SYT7: variants seen among roughly 807,000 people sequenced by gnomAD.
The protein encoded by SYT7 is synaptotagmin 7.
Under a neutral mutation model 75.1 loss-of-function variants are expected in SYT7, and 29 were observed. The ratio of observed to expected loss-of-function variants is 0.39; its 90% CI spans 0.29 to 0.53. The LOEUF is 0.53. SYT7 is among the 20% of genes least tolerant of loss of function. The pLI is 0.77. For missense variants in SYT7, 693 were observed against 953.2 expected, an observed-to-expected ratio of 0.73 and a Z score of 3.59; for synonymous variants, 376 against 401.7, an observed-to-expected ratio of 0.94 and a Z score of 0.76.
chr11:61,560,732 A>G (rs545527055), intron 1 of SYT7, among the ~76,000 whole-genome samples: 4 of 152,178 alleles, frequency 2.6e-5, no homozygotes, highest in African/African-American at 9.6e-5. Flanking sequence ...TTCCCTGCAT[A>G]TGGAGTCACT....
Position 61,580,803 on chromosome 11 carries a change from C to G in SYT7, c.18G>C (p.Glu6Asp). Residue 6 changes from glutamate to aspartate, a missense_variant, in exon 1 of 13, where the codon GAG (glutamate) becomes GAC (aspartate). By Grantham distance (45) the Glu-to-Asp change is conservative. This residue lies in a region of SYT7 where 487 missense variants were observed against 593.2 expected (regional missense o/e 0.82). Transcript: ENST00000539008. The surrounding 1 kb of genome is among the most constrained non-coding windows in gnomAD (Gnocchi z 6.1). ...GGCCGCGCTTACCTGGGCTGGCCGC[C>G]TCCGGGTCCCGGTACATGGTCCCCT... MYRDP[E>D]AASPGAPSRD... 7.8e-7 allele frequency: 1 copy of G among 1,288,444 alleles called. No homozygotes were observed. Among genetic ancestry groups the G allele is most frequent in the Non-Finnish European group, 9.9e-7 (1 of 1,015,224 alleles). The allele number at this position is 1,288,444 out of a possible 1,614,324, so 79.8% of individuals were successfully genotyped here.
At chr11:61,534,021 G>C (rs936741697) in intron 7 of SYT7, among the ~76,000 whole-genome samples, 3 of 152,146 alleles carry the variant, frequency 2.0e-5, no homozygotes, top group African/African-American at 7.2e-5. Flanking sequence ...CAATGGCTGG[G>C]TGGTGAGCCC....
chr11:61,573,665 C>G (rs1175127860), intron 1 of SYT7, among the ~76,000 whole-genome samples: 2 of 152,224 alleles, frequency 1.3e-5, no homozygotes, highest in African/African-American at 4.8e-5. Flanking sequence ...CTTCCCAAGC[C>G]TCACTTCCTG....
chr11:61,585,648 C>A (rs2064370854), upstream of SYT7, among the ~76,000 whole-genome samples: 1 of 152,168 alleles, frequency 6.6e-6, no homozygotes, highest in African/African-American at 2.4e-5. Flanking sequence ...CATCTCTATA[C>A]CCACCTCATC....
intron 1 of SYT7, among the ~76,000 whole-genome samples, chr11:61,561,604 G>C (rs1307053390): frequency 6.6e-6 from 1 of 152,200 alleles, no homozygotes; most frequent in Non-Finnish European, 1.5e-5. Flanking sequence ...CATCTGGGCA[G>C]GGCTTGGTCT....
chr11:61,556,747 C>T (rs890448028), intron 1 of SYT7, among the ~76,000 whole-genome samples: 2 of 152,230 alleles, frequency 1.3e-5, no homozygotes, highest in African/African-American at 4.8e-5. Context: ...CGTCTTGCTT[C>T]CCAAGACTCA....
intron 9 of SYT7, among the ~76,000 whole-genome samples, chr11:61,527,602 G>A (rs967937912): frequency 3.9e-5 from 6 of 152,094 alleles, no homozygotes; most frequent in South Asian, 2.1e-4. Flanking sequence ...TTCCCTCCTC[G>A]GCCTCTGGCT....
At chr11:61,588,225 C>T in the SYT7 span, among the ~76,000 whole-genome samples, 1 of 152,164 alleles carries the variant, frequency 6.6e-6, no homozygotes, top group Non-Finnish European at 1.5e-5. Context: ...CCAGCCTGAG[C>T]GCCAGAATCC....
intron 7 of SYT7, among the ~76,000 whole-genome samples, chr11:61,534,807 T>C (rs1219988202): frequency 6.6e-6 from 1 of 150,888 alleles, no homozygotes; most frequent in African/African-American, 2.4e-5. Flanking sequence ...CAGAGGGCCA[T>C]GGCACACATG....
intron 1 of SYT7, among the ~76,000 whole-genome samples, chr11:61,566,818 A>G (rs2135405591): frequency 6.6e-6 from 1 of 152,304 alleles, no homozygotes; most frequent in Non-Finnish European, 1.5e-5. Flanking sequence ...TGGGGTTGGA[A>G]CTGTATGCTA....
Position 61,524,301 on chromosome 11 carries a change from G to A in SYT7, c.1641+62C>T. ...CTTCCTAAGGTTGACAAGGGTCTGG[G>A]ACCAGATCTCCCAGCCCTGCCCTGC... On this transcript the variant is annotated intron_variant, in intron 10 of 12. Transcript: ENST00000539008. This position sits in a 1 kb window ranked among gnomAD's most constrained non-coding sequence, Gnocchi z 4.1. The A allele has an allele frequency of 6.3e-7, 1 of 1,589,828 alleles. No individual in the cohort carries two copies. Among genetic ancestry groups the A allele is most frequent in the East Asian group, 2.2e-5 (1 of 44,584 alleles).
intron 2 of SYT7, among the ~76,000 whole-genome samples, chr11:61,555,514 T>C (rs1242433473): frequency 6.6e-6 from 1 of 152,168 alleles, no homozygotes; most frequent in African/African-American, 2.4e-5. Flanking sequence ...ACGGTCTCTT[T>C]ACTTATTGAT....
chr11:61,514,417 A>G lies in SYT7; in HGVS notation c.*4210T>C, dbSNP rs2062108385. On this transcript the variant is annotated 3_prime_UTR_variant, in exon 13 of 13. Transcript: ENST00000539008. ...CTCCGGGAGGCAGCTGCTGGCCCCA[A>G]GTGCTGGGAGCAGAGGGCGGATGGG... Among the ~76,000 whole-genome samples, 1 of 152,230 alleles carries G rather than the reference A, an allele frequency of 6.6e-6. No individual in the cohort carries two copies. The highest frequency in any genetic ancestry group is 1.5e-5 in the Non-Finnish European group (1 of 68,036).
At chr11:61,527,887 T>A in intron 9 of SYT7, 28 bp downstream of exon 9, 1 of 1,609,660 alleles carries the variant, frequency 6.2e-7, no homozygotes, top group Non-Finnish European at 8.5e-7. Context: ...GAGGTGACCA[T>A]GGCGGGGGAA....
chr11:61,527,621 G>A (rs1017667973), intron 9 of SYT7, among the ~76,000 whole-genome samples: 1 of 152,212 alleles, frequency 6.6e-6, no homozygotes, highest in African/African-American at 2.4e-5. Flanking sequence ...CTGTGATGCT[G>A]GCTCCATTGG....
chr11:61,518,633 C>T lies in SYT7; in HGVS notation c.2055G>A (p.Lys685=). The change falls in exon 13 of 13, where the codon AAG becomes AAA. Residue 685 remains lysine, a synonymous_variant. Coordinates refer to ENST00000539008, the MANE Select transcript of SYT7 (RefSeq NM_001365809.2). ...RQPVAQWHQL[K]A ...GGGCCTCCCTTGGCCCCACTCAGGC[C>T]TTCAGCTGGTGCCACTGGGCCACGG... is the stretch of plus-strand genomic sequence containing the variant. 1 of 1,546,544 alleles carries T rather than the reference C, an allele frequency of 6.5e-7. No individual in the cohort carries two copies. Among genetic ancestry groups the T allele is most frequent in the Admixed American group, 2.0e-5 (1 of 50,710 alleles).
At chr11:61,574,814 C>T (rs1207234873) in intron 1 of SYT7, among the ~76,000 whole-genome samples, 1 of 152,090 alleles carries the variant, frequency 6.6e-6, no homozygotes, top group African/African-American at 2.4e-5. Flanking sequence ...TCGCTGACAC[C>T]ACCCCATGGT....
At position 61,580,539 on chromosome 11, in the gene SYT7, G is replaced by T. The variant is rs1243583013; in HGVS notation, c.31+251C>A. Among the ~76,000 whole-genome samples the T allele has an allele frequency of 6.6e-6, 1 of 152,136 alleles. No homozygotes were observed. Among genetic ancestry groups the T allele is most frequent in the African/African-American group, 2.4e-5 (1 of 41,440 alleles). ...GTCCTTGGGCTGTTGAGGGGTGGGG[G>T]AGAGGTCCTTGTGGGGACACTGCGA... On this transcript the variant is annotated intron_variant, in intron 1 of 12. Transcript: ENST00000539008. This position sits in a 1 kb window ranked among gnomAD's most constrained non-coding sequence, Gnocchi z 6.1.
chr11:61,583,784 T>C (rs1324022685), upstream of SYT7, among the ~76,000 whole-genome samples: 138 of 152,318 alleles, frequency 9.1e-4, no homozygotes, highest in Non-Finnish European at 4.4e-5. Flanking sequence ...CCATGAGATA[T>C]AGTTGTGCAA....
Sources: allele counts gnomAD v4.1 joint callset (sites outside exome capture counted in the v4.1 genomes callset), GRCh38; gene constraint gnomAD v4.1.1; regional missense constraint gnomAD v4.1.1; non-coding constraint Gnocchi (gnomAD v3.1); transcripts MANE v1.5; gene names NCBI Gene and HGNC (gene_info 2026-07-23, HGNC 2026-07-21).